GNA12: variants seen among roughly 807,000 people sequenced by gnomAD.
GNA12 encodes G protein subunit alpha 12.
A neutral mutation model predicts 26.0 loss-of-function variants in GNA12; 9 were observed. The observed-to-expected ratio is 0.35, with a 90% CI of 0.21 to 0.60. GNA12 has a LOEUF of 0.60. Among genes scored for constraint, GNA12 ranks in the 20% least tolerant of loss-of-function variants. GNA12 has a pLI of 0.78. For missense variants in GNA12, 405 were observed against 525.8 expected, an observed-to-expected ratio of 0.77 and a Z score of 2.25; for synonymous variants, 264 against 219.6, an observed-to-expected ratio of 1.20 and a Z score of -1.79.
chr7:2,741,217 G>T (rs1000052206), intron 2 of GNA12, among the ~76,000 whole-genome samples: 4 of 152,124 alleles, frequency 2.6e-5, no homozygotes, highest in African/African-American at 9.7e-5. Flanking sequence ...ACTAGGTGTG[G>T]CGGCACGCAC....
At chr7:2,799,114 C>T (rs1397239719) in intron 1 of GNA12, among the ~76,000 whole-genome samples, 1 of 152,150 alleles carries the variant, frequency 6.6e-6, no homozygotes, top group Admixed American at 6.5e-5. Flanking sequence ...ACATGATTCA[C>T]ACGAGAAAAA....
At chr7:2,834,986 C>T (rs921515114) in intron 1 of GNA12, among the ~76,000 whole-genome samples, 1 of 152,000 alleles carries the variant, frequency 6.6e-6, no homozygotes, top group Non-Finnish European at 1.5e-5. Context: ...CATTGCGATG[C>T]GTGACTATAC....
intron 2 of GNA12, among the ~76,000 whole-genome samples, chr7:2,786,058 T>C (rs932696778): frequency 6.6e-5 from 10 of 152,098 alleles, no homozygotes; most frequent in African/African-American, 2.4e-4. Flanking sequence ...CACAGCGAGA[T>C]TCCGTTTAAA....
At chr7:2,822,206 C>T (rs911434727) in intron 1 of GNA12, among the ~76,000 whole-genome samples, 3 of 152,202 alleles carry the variant, frequency 2.0e-5, no homozygotes, top group African/African-American at 4.8e-5. Context: ...ATGCCTCCTC[C>T]GAGATGTTGT....
intron 2 of GNA12, among the ~76,000 whole-genome samples, chr7:2,742,139 A>G (rs1172324503): frequency 6.6e-6 from 1 of 151,990 alleles, no homozygotes; most frequent in Non-Finnish European, 1.5e-5. Flanking sequence ...CTCCTGCCTC[A>G]GCCACCCGAG....
intron 1 of GNA12, chr7:2,835,935 C>A: frequency 1.9e-6 from 1 of 529,862 alleles, no homozygotes; most frequent in South Asian, 1.7e-5. Context: ...AATCCAAAGT[C>A]GAAGCAATTC....
intron 2 of GNA12, among the ~76,000 whole-genome samples, chr7:2,740,372 G>C (rs1054574409): frequency 6.6e-6 from 1 of 152,140 alleles, no homozygotes; most frequent in Admixed American, 6.5e-5. Context: ...GAAGAGACCG[G>C]AGAGCTCTCC....
intron 2 of GNA12, among the ~76,000 whole-genome samples, chr7:2,741,020 G>C (rs1346402712): frequency 1.3e-5 from 2 of 152,092 alleles, no homozygotes; most frequent in African/African-American, 2.4e-5. Context: ...ACTCCTGCCT[G>C]GGCGACAGAG....
chr7:2,807,593 A>T, intron 1 of GNA12, among the ~76,000 whole-genome samples: 1 of 152,142 alleles, frequency 6.6e-6, no homozygotes, highest in Non-Finnish European at 1.5e-5. Context: ...GAGAAAAAAA[A>T]AAAAACCTAG....
intron 2 of GNA12, among the ~76,000 whole-genome samples, chr7:2,777,803 G>T (rs1050752710): frequency 1.2e-4 from 18 of 152,194 alleles, no homozygotes; most frequent in African/African-American, 4.1e-4. Flanking sequence ...CAGAAAACAT[G>T]ATGAAAATAC....
intron 2 of GNA12, 112 bp from the exon 3 acceptor site, chr7:2,733,613 G>C: frequency 1.3e-6 from 1 of 753,344 alleles, no homozygotes; most frequent in Non-Finnish European, 2.4e-6. Context: ...CGTGTGAATG[G>C]GAAAGCAAAG....
At chr7:2,739,917 C>T (rs1401643029) in intron 2 of GNA12, among the ~76,000 whole-genome samples, 1 of 152,196 alleles carries the variant, frequency 6.6e-6, no homozygotes, top group African/African-American at 2.4e-5. Flanking sequence ...CAGTGATCCG[C>T]CCGCCTTGGC....
chr7:2,843,147 G>C (rs6979678), intron 1 of GNA12, among the ~76,000 whole-genome samples: 1 of 151,898 alleles, frequency 6.6e-6, no homozygotes, highest in Middle Eastern at 3.2e-3. Flanking sequence ...GCTGGTTCCC[G>C]TCCAGTCTCC....
At chr7:2,754,432 T>C (rs959051330) in intron 2 of GNA12, among the ~76,000 whole-genome samples, 1 of 152,156 alleles carries the variant, frequency 6.6e-6, no homozygotes, top group Non-Finnish European at 1.5e-5. Flanking sequence ...CTGTAGCTTG[T>C]CTTTTCATCC....
intron 2 of GNA12, among the ~76,000 whole-genome samples, chr7:2,769,558 G>A (rs181818501): frequency 2.6e-5 from 4 of 151,980 alleles, no homozygotes; most frequent in African/African-American, 4.8e-5. Flanking sequence ...GTGAAACCCC[G>A]TCTCTATTAA....
At chr7:2,783,967 A>G (rs907281872) in intron 2 of GNA12, among the ~76,000 whole-genome samples, 1 of 152,096 alleles carries the variant, frequency 6.6e-6, no homozygotes, top group Non-Finnish European at 1.5e-5. Flanking sequence ...TTACAGGCGT[A>G]AGCCACCATG....
Position 2,737,269 on chromosome 7 carries a change from GTTTTGTTTTTTTTTT to G in GNA12, c.526-3783_526-3769del, listed in dbSNP as rs1465449955. 3.4e-4 allele frequency among the ~76,000 whole-genome samples: 13 copies of G among 38,124 alleles called. 1 individual carries two copies. The highest frequency in any genetic ancestry group is 2.3e-3 in the South Asian group (3 of 1,284). The allele number at this position is 38,124 out of a possible 152,430, so 25.0% of individuals were successfully genotyped here. ...CATTCAGGAGCTATCTCACAGTTTTGTTTTGTTTTTTTTTTTTTTGTTTTTTTTTTTTTTTTTGAG... is the reference window on the plus strand; with the variant it reads ...CATTCAGGAGCTATCTCACAGTTTTGTTTTGTTTTTTTTTTTTTTTTTGAG... On this transcript the variant is annotated intron_variant, in intron 2 of 3. Transcript: ENST00000275364.
chr7:2,740,038 A>C (rs1210465562), intron 2 of GNA12, among the ~76,000 whole-genome samples: 2 of 152,178 alleles, frequency 1.3e-5, no homozygotes, highest in African/African-American at 4.8e-5. Flanking sequence ...GCGGCTGCAC[A>C]AGTTTACATT....
chr7:2,814,732 A>C, intron 1 of GNA12: 1 of 713,602 alleles, frequency 1.4e-6, no homozygotes, highest in Non-Finnish European at 2.3e-6. Flanking sequence ...CTTGCATATA[A>C]CGGCCTTCCA....
Sources: allele counts gnomAD v4.1 joint callset (sites outside exome capture counted in the v4.1 genomes callset), GRCh38; gene constraint gnomAD v4.1.1; transcripts MANE v1.5; gene names NCBI Gene and HGNC (gene_info 2026-07-23, HGNC 2026-07-21).